Variants in SLC24A2 observed in about 807,000 individuals in gnomAD.
SLC24A2 encodes the protein solute carrier family 24 member 2.
Under a neutral mutation model 62.0 loss-of-function variants are expected in SLC24A2, and 36 were observed. That is an observed-to-expected ratio of 0.58 (90% CI 0.44 to 0.77). The LOEUF is 0.77. Among genes scored for constraint, SLC24A2 ranks in the 30% least tolerant of loss-of-function variants. The probability of loss-of-function intolerance (pLI) is 0.00; values close to 1 mark genes in which losing one functional copy is unlikely to be tolerated. For missense variants in SLC24A2, 846 were observed against 817.9 expected (o/e 1.03, Z -0.42); for synonymous variants, 358 against 294.0 (o/e 1.22, Z -2.23).
At chr9:19,943,268 G>T in the SLC24A2 span, among the ~76,000 whole-genome samples, 7 of 134,556 alleles carry the variant, frequency 5.2e-5, no homozygotes, top group Non-Finnish European at 1.2e-4. Context: ...GTTGTATGAT[G>T]AATGACTTTT....
At chr9:19,602,859 T>C (rs796555446) in intron 4 of SLC24A2, among the ~76,000 whole-genome samples, 13 of 152,322 alleles carry the variant, frequency 8.5e-5, no homozygotes, top group African/African-American at 3.1e-4. Flanking sequence ...ATAAAATGCT[T>C]AGCCCAGTGT....
At chr9:19,796,728 G>A in the SLC24A2 span, among the ~76,000 whole-genome samples, 10 of 152,172 alleles carry the variant, frequency 6.6e-5, no homozygotes, top group African/African-American at 2.4e-4. Context: ...CTGTAGAGAA[G>A]CCTGATGTCA....
intron 7 of SLC24A2, among the ~76,000 whole-genome samples, chr9:19,562,726 T>C (rs1563967457): frequency 6.6e-6 from 1 of 152,184 alleles, no homozygotes; most frequent in African/African-American, 2.4e-5. Flanking sequence ...TTTGCTTGTT[T>C]TATAATTTGT....
At chr9:20,102,000 C>T in the SLC24A2 span, among the ~76,000 whole-genome samples, 5 of 152,016 alleles carry the variant, frequency 3.3e-5, no homozygotes, top group African/African-American at 7.3e-5. Context: ...TCCTTTATAC[C>T]GAAGGACAGA....
chr9:20,236,675 T>C, the SLC24A2 span, among the ~76,000 whole-genome samples: 2 of 152,146 alleles, frequency 1.3e-5, no homozygotes, highest in African/African-American at 2.4e-5. Context: ...CCCTGAATAA[T>C]TGAACTAAAA....
At chr9:19,983,567 C>T in the SLC24A2 span, among the ~76,000 whole-genome samples, 1 of 152,112 alleles carries the variant, frequency 6.6e-6, no homozygotes, top group Non-Finnish European at 1.5e-5. Context: ...TGCTTGTACC[C>T]AGGACGTGGA....
intron 2 of SLC24A2, among the ~76,000 whole-genome samples, chr9:19,727,738 ACT>A (rs1441197266): frequency 1.3e-5 from 2 of 152,194 alleles, no homozygotes; most frequent in Non-Finnish European, 2.9e-5. Flanking sequence ...GGAAAAGAAG[ACT>A]CTGAAAAAAT....
the SLC24A2 span, among the ~76,000 whole-genome samples, chr9:19,940,660 T>G: frequency 1.3e-5 from 2 of 152,188 alleles, no homozygotes; most frequent in African/African-American, 4.8e-5. Flanking sequence ...AGTTTATAGA[T>G]TCAGCTCTGA....
chr9:19,550,441 C>G (rs1834787725), intron 7 of SLC24A2, among the ~76,000 whole-genome samples, 173 bp from the exon 8 acceptor site: 1 of 152,196 alleles, frequency 6.6e-6, no homozygotes, highest in Admixed American at 6.6e-5. Context: ...GTCCTAGGAA[C>G]AAATAATACA....
chr9:19,521,743 G>C (rs1306455819), intron 9 of SLC24A2, among the ~76,000 whole-genome samples: 1 of 152,098 alleles, frequency 6.6e-6, no homozygotes, highest in Non-Finnish European at 1.5e-5. Flanking sequence ...TCCATAAACT[G>C]GGGATAATAA....
At chr9:19,643,005 T>C (rs1471390096) in intron 2 of SLC24A2, among the ~76,000 whole-genome samples, 2 of 150,480 alleles carry the variant, frequency 1.3e-5, no homozygotes, top group Admixed American at 6.6e-5. Flanking sequence ...TTTTTTTTTT[T>C]TTTAACATAT....
chr9:19,978,030 G>A, the SLC24A2 span, among the ~76,000 whole-genome samples: 1 of 152,154 alleles, frequency 6.6e-6, no homozygotes, highest in African/African-American at 2.4e-5. Context: ...GGGTGTCTTG[G>A]TAACTTACAT....
At chr9:19,620,535 G>A (rs571760236) in intron 3 of SLC24A2, among the ~76,000 whole-genome samples, 2 of 152,316 alleles carry the variant, frequency 1.3e-5, no homozygotes, top group African/African-American at 2.4e-5. Context: ...GAACTGGTAC[G>A]TGACAAGGAA....
At chr9:19,728,521 C>G (rs2118693341) in intron 2 of SLC24A2, among the ~76,000 whole-genome samples, 1 of 152,216 alleles carries the variant, frequency 6.6e-6, no homozygotes, top group South Asian at 2.1e-4. Flanking sequence ...TTTATTCTTT[C>G]TGCTTTGCTA....
chr9:19,810,138 A>C, the SLC24A2 span, among the ~76,000 whole-genome samples: 1 of 152,132 alleles, frequency 6.6e-6, no homozygotes, highest in African/African-American at 2.4e-5. Flanking sequence ...GGTATACTGA[A>C]GTCTAAAAGT....
the SLC24A2 span, among the ~76,000 whole-genome samples, chr9:20,245,311 C>T: frequency 6.6e-6 from 1 of 152,100 alleles, no homozygotes; most frequent in African/African-American, 2.4e-5. Flanking sequence ...GTTATTTCCA[C>T]AGAACTGTGA....
the SLC24A2 span, among the ~76,000 whole-genome samples, chr9:20,194,533 T>TAACAGAGTTAAATA: frequency 6.6e-6 from 1 of 152,198 alleles, no homozygotes; most frequent in Non-Finnish European, 1.5e-5. Flanking sequence ...AATATTTATT[T>TAACAGAGTTAAATA]AACAGAGTTT....
the SLC24A2 span, among the ~76,000 whole-genome samples, chr9:19,980,608 G>A: frequency 0.015 from 2,237 of 152,218 alleles, 52 homozygotes; most frequent in African/African-American, 0.05. Context: ...TTAATATGAG[G>A]TGGTAAGATA....
chr9:19,764,091 T>A (rs1480800260), intron 2 of SLC24A2, among the ~76,000 whole-genome samples: 1 of 152,226 alleles, frequency 6.6e-6, no homozygotes, highest in African/African-American at 2.4e-5. Flanking sequence ...TTTTCTATTT[T>A]ATTTGCATAG....
Sources: gnomAD v4.1 joint callset for allele counts (sites outside exome capture counted in the v4.1 genomes callset) on GRCh38, gnomAD v4.1.1 for gene constraint, MANE v1.5 for transcripts, NCBI Gene and HGNC (gene_info 2026-07-23, HGNC 2026-07-21) for gene names.